BNC2: variants seen among roughly 807,000 people sequenced by gnomAD.
BNC2 encodes the protein zinc finger protein basonuclin-2.
Under a neutral mutation model 76.3 loss-of-function variants are expected in BNC2, and 20 were observed. The ratio of observed to expected loss-of-function variants is 0.26; its 90% CI spans 0.18 to 0.38. The LOEUF (loss-of-function observed/expected upper bound fraction) is 0.38. Ranked by LOEUF, BNC2 falls within the 10% of genes least tolerant of loss-of-function variation. BNC2 has a pLI of 1.00. For synonymous variants in BNC2, 582 were observed against 514.8 expected, an observed-to-expected ratio of 1.13 and a Z score of -1.77; for missense variants, 1,382 against 1,399.8, an observed-to-expected ratio of 0.99 and a Z score of 0.20.
At chr9:16,812,203 G>C (rs1451739583) in intron 1 of BNC2, among the ~76,000 whole-genome samples, 1 of 152,210 alleles carries the variant, frequency 6.6e-6, no homozygotes, top group East Asian at 1.9e-4. Flanking sequence ...CTGCCTGGCA[G>C]GCAAAGCTCT....
chr9:16,667,343 A>C lies in BNC2; in HGVS notation c.330+60454T>G, dbSNP rs7027949. Among the ~76,000 whole-genome samples, 651 of 152,326 alleles carry C rather than the reference A, an allele frequency of 4.3e-3. 4 individuals carry two copies. Among genetic ancestry groups the C allele is most frequent in the African/African-American group, 0.015 (623 of 41,570 alleles). On this transcript the variant is annotated intron_variant, in intron 3 of 6. Transcript: ENST00000380672. ...CGGCCTATACAAGAATAAAATCCAC[A>C]ATCAAGCTCTTGTTAGTTCCATGAT...
At chr9:16,550,528 T>C (rs144439448) in intron 5 of BNC2, among the ~76,000 whole-genome samples, 97 of 152,322 alleles carry the variant, frequency 6.4e-4, no homozygotes, top group Middle Eastern at 3.4e-3. Flanking sequence ...AATAGGACCA[T>C]AACACAGAAA....
At chr9:16,633,552 G>A (rs1309519341) in intron 3 of BNC2, among the ~76,000 whole-genome samples, 1 of 152,230 alleles carries the variant, frequency 6.6e-6, no homozygotes, top group Middle Eastern at 3.4e-3. Flanking sequence ...GCTCTACTTT[G>A]CAATTATGTC....
chr9:16,631,007 G>A (rs1308353719), intron 3 of BNC2, among the ~76,000 whole-genome samples: 1 of 152,110 alleles, frequency 6.6e-6, no homozygotes, highest in East Asian at 1.9e-4. Context: ...CCAAGGTGGT[G>A]AGATTATAGG....
chr9:16,767,022 T>A (rs943741777), intron 1 of BNC2, among the ~76,000 whole-genome samples: 1 of 152,258 alleles, frequency 6.6e-6, no homozygotes, highest in African/African-American at 2.4e-5. Context: ...GGTTTTGACA[T>A]GCCAATCACT....
intron 1 of BNC2, among the ~76,000 whole-genome samples, chr9:16,866,082 A>G (rs1479641675): frequency 2.0e-5 from 3 of 152,190 alleles, no homozygotes; most frequent in Admixed American, 6.6e-5. Context: ...ATGTTTGTCT[A>G]AAGTAATGCT....
intron 1 of BNC2, among the ~76,000 whole-genome samples, chr9:16,806,580 G>A (rs1817919336): frequency 6.6e-6 from 1 of 152,144 alleles, no homozygotes. Context: ...CCCAGGCAAA[G>A]TTGTATATGT....
intron 3 of BNC2, among the ~76,000 whole-genome samples, chr9:16,673,148 T>G (rs945012709): frequency 6.6e-6 from 1 of 152,164 alleles, no homozygotes; most frequent in Non-Finnish European, 1.5e-5. Context: ...GTATTAGACA[T>G]AGACTTATAT....
intron 1 of BNC2, among the ~76,000 whole-genome samples, chr9:16,767,429 G>A (rs1825727464): frequency 6.6e-6 from 1 of 152,204 alleles, no homozygotes; most frequent in Non-Finnish European, 1.5e-5. Flanking sequence ...AAGGGATATG[G>A]GAGAGAAAAC....
chr9:16,417,868 T>G lies in BNC2; in HGVS notation c.*1121A>C, dbSNP rs1031187156. 1 of 152,780 alleles carries G rather than the reference T, an allele frequency of 6.5e-6. No homozygotes were observed. Among genetic ancestry groups the G allele is most frequent in the Non-Finnish European group, 1.5e-5 (1 of 68,038 alleles). The allele number at this position is 152,780 out of a possible 1,614,324, so 9.5% of individuals were successfully genotyped here. ...AAGAAGGATGCAATGTTGATTCTAA[T>G]AACATTCGGCACTTGAAAGAATCAC... On this transcript the variant is annotated 3_prime_UTR_variant, in exon 7 of 7. Transcript: ENST00000380672.
At chr9:16,765,667 G>A (rs1175244965) in intron 1 of BNC2, among the ~76,000 whole-genome samples, 1 of 151,986 alleles carries the variant, frequency 6.6e-6, no homozygotes, top group Admixed American at 6.6e-5. Flanking sequence ...TTTTTCCATG[G>A]GCTATAATCA....
chr9:16,652,348 G>GT (rs199497659), intron 3 of BNC2, among the ~76,000 whole-genome samples: 35 of 151,182 alleles, frequency 2.3e-4, no homozygotes, highest in African/African-American at 4.4e-4. Context: ...TAAAACAAAT[G>GT]TTTTTTTTTA....
At chr9:16,862,671 A>C (rs1819440117) in intron 1 of BNC2, among the ~76,000 whole-genome samples, 2 of 152,170 alleles carry the variant, frequency 1.3e-5, no homozygotes. Context: ...TTTAATTACC[A>C]CACAGCACTA....
At chr9:16,804,052 C>A (rs1402802842) in intron 1 of BNC2, among the ~76,000 whole-genome samples, 2 of 152,184 alleles carry the variant, frequency 1.3e-5, no homozygotes, top group Admixed American at 1.3e-4. Context: ...ACTTTTAACT[C>A]TTTCAGGCTT....
At chr9:16,628,181 G>C (rs1201756449) in intron 3 of BNC2, among the ~76,000 whole-genome samples, 1 of 152,100 alleles carries the variant, frequency 6.6e-6, no homozygotes, top group Non-Finnish European at 1.5e-5. Flanking sequence ...GTCTTGCTTT[G>C]GCAGTGGGAC....
intron 5 of BNC2, among the ~76,000 whole-genome samples, chr9:16,443,196 G>C (rs369519634): frequency 1.1e-4 from 16 of 151,616 alleles, no homozygotes; most frequent in African/African-American, 2.4e-4. Context: ...AAAACTAAAA[G>C]TATTTCCCCC....
At chr9:16,694,877 C>T (rs1219545196) in intron 3 of BNC2, among the ~76,000 whole-genome samples, 2 of 152,106 alleles carry the variant, frequency 1.3e-5, no homozygotes, top group African/African-American at 4.8e-5. Context: ...TACCCCCCCA[C>T]CCCCATCCCA....
intron 3 of BNC2, among the ~76,000 whole-genome samples, chr9:16,648,569 G>A (rs926921048): frequency 6.6e-6 from 1 of 152,182 alleles, no homozygotes; most frequent in African/African-American, 2.4e-5. Context: ...TCACTGTGCC[G>A]AATGCAAAGT....
At position 16,741,534 on chromosome 9, in the gene BNC2, A is replaced by G. The variant is rs113809281; in HGVS notation, c.4-3049T>C. Among the ~76,000 whole-genome samples the G allele has an allele frequency of 3.2e-3, 484 of 152,320 alleles. 2 individuals carry two copies. Among genetic ancestry groups the G allele is most frequent in the African/African-American group, 0.011 (468 of 41,576 alleles). ...TAGTAGAACTCAGCCTGGTTCCCAC[A>G]AAAGCGTGAGAAATAATAAACAAGC... is the stretch of plus-strand genomic sequence containing the variant. On this transcript the variant is annotated intron_variant, in intron 1 of 6. Coordinates refer to ENST00000380672, the MANE Select transcript of BNC2 (RefSeq NM_017637.6).
Sources: gnomAD v4.1 joint callset for allele counts (sites outside exome capture counted in the v4.1 genomes callset) on GRCh38, gnomAD v4.1.1 for gene constraint, MANE v1.5 for transcripts, NCBI Gene and HGNC (gene_info 2026-07-23, HGNC 2026-07-21) for gene names.